TOX2: variants seen among roughly 807,000 people sequenced by gnomAD.
The protein encoded by TOX2 is granulosa cell HMG box 1.
In TOX2, 15 loss-of-function variants were observed where a neutral mutation model predicts 47.4. That is an observed-to-expected ratio of 0.32 (90% CI 0.21 to 0.49). TOX2 has a LOEUF of 0.49. Ranked by LOEUF, TOX2 falls within the 20% of genes least tolerant of loss-of-function variation. TOX2 has a pLI of 0.99. For synonymous variants in TOX2, 290 were observed against 296.6 expected (o/e 0.98, Z 0.23); for missense variants, 622 against 673.1 (o/e 0.92, Z 0.84).
chr20:44,038,308 A>T (rs2071272142), intron 3 of TOX2, among the ~76,000 whole-genome samples: 1 of 152,106 alleles, frequency 6.6e-6, no homozygotes, highest in Admixed American at 6.5e-5. Context: ...AGGTGGGAGG[A>T]TCGCCTGAGC....
At chr20:43,992,531 C>T (rs780950182) in intron 2 of TOX2, among the ~76,000 whole-genome samples, 2 of 151,856 alleles carry the variant, frequency 1.3e-5, no homozygotes, top group Non-Finnish European at 2.9e-5. Flanking sequence ...ACTCATGTGG[C>T]GTAAGGAAGG....
intron 3 of TOX2, among the ~76,000 whole-genome samples, chr20:44,012,194 G>A (rs1203032543): frequency 6.6e-6 from 1 of 152,226 alleles, no homozygotes; most frequent in Non-Finnish European, 1.5e-5. Context: ...AACTCGAAGA[G>A]TGGAATTTAT....
chr20:43,959,596 G>T (rs931635947), intron 1 of TOX2, among the ~76,000 whole-genome samples: 5 of 152,250 alleles, frequency 3.3e-5, no homozygotes, highest in East Asian at 1.9e-4. Flanking sequence ...CCGACAACAC[G>T]AGCCTTTTGT....
intron 2 of TOX2, among the ~76,000 whole-genome samples, chr20:44,003,930 G>A (rs578032908): frequency 2.6e-5 from 4 of 152,192 alleles, no homozygotes; most frequent in South Asian, 2.1e-4. Flanking sequence ...GATTGACATC[G>A]TGTGATGATC....
At chr20:43,989,569 C>G (rs537852139) in intron 2 of TOX2, among the ~76,000 whole-genome samples, 1 of 152,246 alleles carries the variant, frequency 6.6e-6, no homozygotes, top group African/African-American at 2.4e-5. Context: ...CACTTGAGGT[C>G]AGGAGTTCGA....
At chr20:43,920,674 G>A (rs1022803332) in intron 1 of TOX2, among the ~76,000 whole-genome samples, 2 of 152,172 alleles carry the variant, frequency 1.3e-5, no homozygotes, top group Admixed American at 6.5e-5. Flanking sequence ...TGCTGCCCCC[G>A]ATCTGCTGGG....
At chr20:44,046,971 T>C (rs6065693) in intron 3 of TOX2, among the ~76,000 whole-genome samples, 109,635 of 152,108 alleles carry the variant, frequency 0.72, 39,791 homozygotes, top group Middle Eastern at 0.82. Context: ...CTCAGTACTT[T>C]CCAAAAAGAT....
rs146528480 is a variant in TOX2, at chr20:44,034,416, G to T, written c.412-16890G>T. Among the ~76,000 whole-genome samples, 99 of 152,286 alleles carry T rather than the reference G, an allele frequency of 6.5e-4. 1 individual carries two copies. The highest frequency in any genetic ancestry group is 2.2e-3 in the African/African-American group (93 of 41,538). On this transcript the variant is annotated intron_variant, in intron 3 of 8. Transcript: ENST00000341197. Reference sequence around the variant, plus strand: ...CTGCGATGGGGTGTTTCTGGCTCAGGGTCTCAGACATAAGAATCCTCAGGG... The same window carrying T: ...CTGCGATGGGGTGTTTCTGGCTCAGTGTCTCAGACATAAGAATCCTCAGGG...
intron 1 of TOX2, among the ~76,000 whole-genome samples, chr20:43,962,708 A>T (rs1209164254): frequency 6.6e-6 from 1 of 152,150 alleles, no homozygotes; most frequent in Non-Finnish European, 1.5e-5. Flanking sequence ...AGAGAAATGG[A>T]TTCGGCTACT....
At chr20:43,976,657 G>A (rs935730108) in intron 2 of TOX2, among the ~76,000 whole-genome samples, 11 of 152,266 alleles carry the variant, frequency 7.2e-5, no homozygotes, top group African/African-American at 2.6e-4. Context: ...GACTTTTCTG[G>A]TACCTATAGC....
chr20:44,028,225 T>C (rs2145677571), intron 3 of TOX2, among the ~76,000 whole-genome samples: 1 of 150,848 alleles, frequency 6.6e-6, no homozygotes, highest in South Asian at 2.1e-4. Flanking sequence ...CAAAAGTGAG[T>C]AGGGGTGAAG....
At chr20:43,965,224 A>T (rs1466888942) in intron 1 of TOX2, among the ~76,000 whole-genome samples, 2 of 152,112 alleles carry the variant, frequency 1.3e-5, no homozygotes, top group East Asian at 3.9e-4. Flanking sequence ...GAGTAAGACT[A>T]TTGATTGACT....
rs530560406 is a variant in TOX2, at chr20:43,984,895, C to T, written c.165+11463C>T. Among the ~76,000 whole-genome samples, 102 of 152,226 alleles carry T rather than the reference C, an allele frequency of 6.7e-4. No individual in the cohort carries two copies. The Middle Eastern group carries it at 0.024, about 36-fold the overall frequency. On this transcript the variant is annotated intron_variant, in intron 2 of 8. Transcript: ENST00000341197. Reference sequence around the variant, plus strand: ...TTCAAGGATTTTCTTAAAAACAGCACCCTTCCCCCTCCCAGCCACCTCCCA... The same window carrying T: ...TTCAAGGATTTTCTTAAAAACAGCATCCTTCCCCCTCCCAGCCACCTCCCA...
chr20:43,932,667 T>C (rs1174132762), intron 1 of TOX2, among the ~76,000 whole-genome samples: 1 of 152,096 alleles, frequency 6.6e-6, no homozygotes, highest in African/African-American at 2.4e-5. Context: ...CATTTAGTTT[T>C]GCAAAGGTCA....
At chr20:43,958,690 G>A (rs1040186273) in intron 1 of TOX2, among the ~76,000 whole-genome samples, 5 of 152,234 alleles carry the variant, frequency 3.3e-5, no homozygotes, top group South Asian at 4.1e-4. Context: ...AATGTTCACC[G>A]TGCCCTTGGG....
intron 1 of TOX2, among the ~76,000 whole-genome samples, chr20:43,943,017 A>G (rs2069420803): frequency 6.6e-6 from 1 of 152,148 alleles, no homozygotes; most frequent in African/African-American, 2.4e-5. Flanking sequence ...CTCCACCTGA[A>G]TATTTATTGC....
intron 1 of TOX2, among the ~76,000 whole-genome samples, chr20:43,928,189 G>C (rs1462559536): frequency 6.6e-6 from 1 of 152,214 alleles, no homozygotes; most frequent in Non-Finnish European, 1.5e-5. Context: ...GGAGCCAGGG[G>C]CATTTGGAAA....
At chr20:43,927,641 TCCCC>T (rs2069190954) in intron 1 of TOX2, among the ~76,000 whole-genome samples, 6 of 111,470 alleles carry the variant, frequency 5.4e-5, no homozygotes, top group African/African-American at 1.9e-4. Context: ...CCTTCCTTCC[TCCCC>T]TTCCCTTCCC....
At chr20:43,945,810 G>A (rs1014128687) in intron 1 of TOX2, 6 of 1,499,878 alleles carry the variant, frequency 4.0e-6, no homozygotes, top group Non-Finnish European at 5.5e-6. Flanking sequence ...AATGGGATGG[G>A]GGGTGGGGGT....
Sources: gnomAD v4.1 joint callset for allele counts (sites outside exome capture counted in the v4.1 genomes callset) on GRCh38, gnomAD v4.1.1 for gene constraint, MANE v1.5 for transcripts, NCBI Gene and HGNC (gene_info 2026-07-23, HGNC 2026-07-21) for gene names.